The following NPTN variants were observed in gnomAD, a reference collection of about 807,000 sequenced individuals.
NPTN encodes neuroplastin.
Under a neutral mutation model 42.7 loss-of-function variants are expected in NPTN, and 5 were observed. The ratio of observed to expected loss-of-function variants is 0.12; its 90% CI spans 0.06 to 0.25. The LOEUF is 0.25. NPTN is among the 10% of genes least tolerant of loss of function. The pLI, the probability that NPTN is intolerant of heterozygous loss-of-function variation, is 1.00. For missense variants in NPTN, 307 were observed against 525.4 expected, an observed-to-expected ratio of 0.58 and a Z score of 4.06; for synonymous variants, 180 against 201.9, an observed-to-expected ratio of 0.89 and a Z score of 0.92.
chr15:73,563,427 G>A (rs984080653), intron 6 of NPTN, 170 bp from the exon 7 acceptor site: 19 of 1,397,638 alleles, frequency 1.4e-5, no homozygotes, highest in Non-Finnish European at 1.7e-5. Context: ...CACTCATGGA[G>A]TTATTATTTC....
At chr15:73,617,395 T>C (rs1267760046) in intron 1 of NPTN, among the ~76,000 whole-genome samples, 1 of 152,212 alleles carries the variant, frequency 6.6e-6, no homozygotes, top group African/African-American at 2.4e-5. Context: ...AATAATTCAG[T>C]ATCAAAATGT....
rs1209826522 is a variant in NPTN, at chr15:73,597,119, G to A, written c.342C>T (p.Tyr114=). Residue 114 remains tyrosine (Y), a synonymous_variant, in exon 2 of 9, where the codon TAC becomes TAT. Transcript: ENST00000345330. This position sits in a 1 kb window ranked among gnomAD's most constrained non-coding sequence, Gnocchi z 6.3. ...TGGGGTCGTTGCTGGCCCTGCACTC[G>A]TAAGTCCCAGAGTCCTCCAAGGTGA... ...TRLTLEDSGT[Y]ECRASNDPKR... 8 of 1,614,152 alleles carry A rather than the reference G, an allele frequency of 5.0e-6. No homozygotes were observed. The highest frequency in any genetic ancestry group is 1.3e-5 in the African/African-American group (1 of 75,038).
In NPTN at chr15:73,561,973, T is replaced by C. The variant is rs752450591; in HGVS notation, c.1137-3A>G. 6.3e-7 allele frequency: 1 copy of C among 1,593,756 alleles called. No individual in the cohort carries two copies. Among genetic ancestry groups the C allele is most frequent in the Non-Finnish European group, 8.5e-7 (1 of 1,173,962 alleles). ...GATTGTTGGTAGAGTTGGTTTTCCT[T>C]TGGAGGAAAAATTGCATTACATGAG... On this transcript the variant is annotated splice_region_variant and splice_polypyrimidine_tract_variant and intron_variant, in intron 7 of 8. Transcript: ENST00000345330.
intron 3 of NPTN, among the ~76,000 whole-genome samples, chr15:73,589,332 G>GA (rs970235990): frequency 9.4e-5 from 14 of 148,658 alleles, no homozygotes; most frequent in East Asian, 2.0e-4. Flanking sequence ...ACCCTGTTGC[G>GA]AAAAAAAAAG....
At chr15:73,587,500 A>G (rs1595921664) in intron 4 of NPTN, 24 bp downstream of exon 4, 3 of 1,564,300 alleles carry the variant, frequency 1.9e-6, no homozygotes, top group Non-Finnish European at 2.6e-6. Flanking sequence ...AGAGGCTCAC[A>G]CCACAGCCTC....
intron 1 of NPTN, among the ~76,000 whole-genome samples, chr15:73,627,012 ATCACCT>A (rs1397362695): frequency 3.9e-5 from 6 of 152,322 alleles, no homozygotes; most frequent in African/African-American, 1.4e-4. Context: ...AGGTGGGCAG[ATCACCT>A]AAGGTCAGGA....
At chr15:73,618,161 T>C (rs985367784) in intron 1 of NPTN, among the ~76,000 whole-genome samples, 2 of 152,244 alleles carry the variant, frequency 1.3e-5, no homozygotes, top group African/African-American at 2.4e-5. Flanking sequence ...TCTGCCTCGA[T>C]GTCCTCACTT....
chr15:73,617,588 C>T (rs898434082), intron 1 of NPTN, among the ~76,000 whole-genome samples: 4 of 152,198 alleles, frequency 2.6e-5, no homozygotes, highest in African/African-American at 7.2e-5. Flanking sequence ...ACTACTGGGC[C>T]TGTCAAGTTT....
chr15:73,622,460 A>G (rs1204691900), intron 1 of NPTN, among the ~76,000 whole-genome samples: 1 of 151,602 alleles, frequency 6.6e-6, no homozygotes, highest in East Asian at 1.9e-4. Context: ...AATGCCCTAA[A>G]TTTTTAAATA....
intron 2 of NPTN, among the ~76,000 whole-genome samples, chr15:73,595,959 T>A (rs1896818300): frequency 6.6e-6 from 1 of 152,232 alleles, no homozygotes; most frequent in Non-Finnish European, 1.5e-5. Flanking sequence ...CCCATCACTA[T>A]GAGAAACCAG....
intron 1 of NPTN, among the ~76,000 whole-genome samples, chr15:73,605,762 C>T (rs1897276213): frequency 1.3e-5 from 2 of 150,998 alleles, no homozygotes; most frequent in South Asian, 2.1e-4. Context: ...ATGTTAAAAG[C>T]AAAGAGAAGA....
At chr15:73,604,049 C>G (rs1341433901) in intron 1 of NPTN, among the ~76,000 whole-genome samples, 1 of 152,094 alleles carries the variant, frequency 6.6e-6, no homozygotes, top group East Asian at 1.9e-4. Context: ...ACGGATCTCC[C>G]TCAACAAAAA....
chr15:73,562,803 G>GGTGTAGTGAGAAATTTTGT (rs1440299058), intron 7 of NPTN, among the ~76,000 whole-genome samples: 3 of 152,016 alleles, frequency 2.0e-5, no homozygotes, highest in African/African-American at 4.8e-5. Context: ...TACCATCCCT[G>GGTGTAGTGAGAAATTTTGT]GTGTAGTGAG....
At chr15:73,618,898 T>C (rs1272204057) in intron 1 of NPTN, among the ~76,000 whole-genome samples, 1 of 150,716 alleles carries the variant, frequency 6.6e-6, no homozygotes, top group Non-Finnish European at 1.5e-5. Context: ...TACAAAAAAG[T>C]TTTTTAAAAA....
intron 4 of NPTN, among the ~76,000 whole-genome samples, chr15:73,574,142 A>G (rs1895558604): frequency 6.6e-6 from 1 of 152,234 alleles, no homozygotes; most frequent in African/African-American, 2.4e-5. Context: ...TATCTCTTCT[A>G]TCGGCCCAAG....
chr15:73,564,462 A>G (rs1457098212), intron 6 of NPTN, among the ~76,000 whole-genome samples: 3 of 152,200 alleles, frequency 2.0e-5, no homozygotes, highest in Non-Finnish European at 4.4e-5. Flanking sequence ...ACACACAGTG[A>G]CTGGAGCAAA....
intron 4 of NPTN, among the ~76,000 whole-genome samples, chr15:73,586,589 A>C (rs1896330479): frequency 6.6e-6 from 1 of 152,176 alleles, no homozygotes; most frequent in Non-Finnish European, 1.5e-5. Flanking sequence ...TGCATTTTTA[A>C]CCTTCCAAAT....
At chr15:73,623,657 A>G (rs1898247995) in intron 1 of NPTN, among the ~76,000 whole-genome samples, 1 of 152,232 alleles carries the variant, frequency 6.6e-6, no homozygotes, top group African/African-American at 2.4e-5. Flanking sequence ...ACTGCATTCC[A>G]GCCTAGGCAA....
rs553535314 is a variant in NPTN at position 73,587,078 on chromosome 15, C to G, written c.706+446G>C. On this transcript the variant is annotated intron_variant, in intron 4 of 8. Coordinates refer to ENST00000345330, the MANE Select transcript of NPTN (RefSeq NM_012428.4). ...TCCACTCTGCACACTGTACTTTCCC[C>G]TCAATCCTGCTGGCCCACAGAAGAC... Among the ~76,000 whole-genome samples, 5 of 152,334 alleles carry G rather than the reference C, an allele frequency of 3.3e-5. No homozygotes were observed. The South Asian group carries it at 1.0e-3, about 32-fold the overall frequency.
Sources: gnomAD v4.1 joint callset for allele counts (sites outside exome capture counted in the v4.1 genomes callset) on GRCh38, gnomAD v4.1.1 for gene constraint, Gnocchi (gnomAD v3.1) non-coding constraint, MANE v1.5 for transcripts, NCBI Gene and HGNC (gene_info 2026-07-23, HGNC 2026-07-21) for gene names.